The following KIAA1217 variants were observed in gnomAD, a reference collection of about 807,000 sequenced individuals.
The protein encoded by KIAA1217 is sickle tail protein homolog.
KIAA1217 carries 88 observed loss-of-function variants against 163.9 expected under a neutral mutation model. The ratio of observed to expected loss-of-function variants is 0.54; its 90% confidence interval spans 0.45 to 0.64. The LOEUF (loss-of-function observed/expected upper bound fraction) is 0.64, where lower values mean the gene tolerates loss of function less well. Among genes scored for constraint, KIAA1217 ranks in the 30% least tolerant of loss-of-function variants. KIAA1217 has a pLI of 0.00. For synonymous variants in KIAA1217, 903 were observed against 923.1 expected (o/e 0.98, Z 0.39); for missense variants, 2,372 against 2,475.0 (o/e 0.96, Z 0.88).
At chr10:24,495,352 A>T (rs909137252) in intron 8 of KIAA1217, among the ~76,000 whole-genome samples, 156 bp downstream of exon 8, 2 of 152,172 alleles carry the variant, frequency 1.3e-5, no homozygotes, top group Non-Finnish European at 1.5e-5. Context: ...TTCCAGATTT[A>T]TTCATTAATT....
intron 2 of KIAA1217, among the ~76,000 whole-genome samples, chr10:24,051,067 C>A (rs1476261155): frequency 6.6e-6 from 1 of 152,166 alleles, no homozygotes; most frequent in African/African-American, 2.4e-5. Context: ...TTTTATCCTT[C>A]ACCCAACTCA....
chr10:24,293,970 G>A (rs2079392540), intron 2 of KIAA1217, among the ~76,000 whole-genome samples: 2 of 152,128 alleles, frequency 1.3e-5, no homozygotes, highest in Admixed American at 1.3e-4. Context: ...AAGGCGGGCG[G>A]ATCACGAGGT....
intron 1 of KIAA1217, among the ~76,000 whole-genome samples, chr10:23,767,667 C>T (rs574522841): frequency 2.0e-5 from 3 of 152,070 alleles, no homozygotes; most frequent in Admixed American, 6.5e-5. Flanking sequence ...AGGAAGAGGC[C>T]GTGAACCCTC....
chr10:24,536,947 TCTGACA>T, intron 17 of KIAA1217, 54 bp downstream of exon 17: 2 of 1,603,906 alleles, frequency 1.2e-6, no homozygotes, highest in Non-Finnish European at 1.7e-6. Context: ...CCTTCCTTGC[TCTGACA>T]CTAACACGGC....
At position 23,832,232 on chromosome 10, in the gene KIAA1217, C is replaced by T. The variant is rs552506169; in HGVS notation, c.-321+136998C>T. On this transcript the variant is annotated intron_variant, in intron 1 of 18. Transcript: ENST00000376462. Reference sequence around the variant, plus strand: ...TGGGTTTGATTAATTTCTGGGATGTCTCACAGAACTCAGGGAAACACAATT... The same window carrying T: ...TGGGTTTGATTAATTTCTGGGATGTTTCACAGAACTCAGGGAAACACAATT... Among the ~76,000 whole-genome samples, 177 of 152,274 alleles carry T rather than the reference C, an allele frequency of 1.2e-3. 3 individuals are homozygous for T. The highest frequency in any genetic ancestry group is 2.5e-3 in the South Asian group (12 of 4,828).
intron 1 of KIAA1217, among the ~76,000 whole-genome samples, chr10:23,832,917 T>C (rs1223312969): frequency 1.1e-4 from 16 of 152,034 alleles, no homozygotes; most frequent in East Asian, 3.9e-4. Flanking sequence ...AACTCCCTTT[T>C]TGAAAAACGT....
intron 1 of KIAA1217, among the ~76,000 whole-genome samples, chr10:23,940,247 A>G (rs1037112846): frequency 1.3e-5 from 2 of 151,882 alleles, no homozygotes; most frequent in African/African-American, 4.8e-5. Context: ...ATCACCTGAC[A>G]TCAGGAGTTC....
chr10:24,238,511 G>A (rs1386026451), intron 2 of KIAA1217, among the ~76,000 whole-genome samples: 3 of 152,008 alleles, frequency 2.0e-5, no homozygotes, highest in Non-Finnish European at 4.4e-5. Context: ...CATAAACTAG[G>A]ATAGACATGC....
intron 7 of KIAA1217, 88 bp downstream of exon 7, chr10:24,494,692 C>A: frequency 2.1e-6 from 2 of 957,050 alleles, no homozygotes; most frequent in South Asian, 1.5e-5. Context: ...AATCTGTTTT[C>A]TTGTAATCAT....
At chr10:23,758,646 C>CTCTCTCTCTCT (rs1386376033) in intron 1 of KIAA1217, among the ~76,000 whole-genome samples, 1 of 132,186 alleles carries the variant, frequency 7.6e-6, no homozygotes, top group African/African-American at 3.0e-5. Context: ...CTCTCTCTCT[C>CTCTCTCTCTCT]CCCCTCCCTC....
intron 1 of KIAA1217, among the ~76,000 whole-genome samples, chr10:23,933,467 A>C (rs1479596586): frequency 6.6e-6 from 1 of 152,160 alleles, no homozygotes; most frequent in African/African-American, 2.4e-5. Context: ...CTTACTTTTA[A>C]TGATCACTAA....
chr10:24,380,871 A>G lies in KIAA1217; in HGVS notation c.357A>G (p.Thr119=). ...MGHQERLRDQ[T]RSPKLSHSPQ... ...TTTCTTTAAAATGCCTTTTGCAGACAAGGAGCCCCAAACTGTCTCACAGTC... is the reference window on the plus strand; with the variant it reads ...TTTCTTTAAAATGCCTTTTGCAGACGAGGAGCCCCAAACTGTCTCACAGTC... The change falls in exon 3 of 21, where the codon ACA becomes ACG. Residue 119 remains threonine (T), a splice_region_variant and synonymous_variant. Coordinates refer to ENST00000376454, the MANE Select transcript of KIAA1217 (RefSeq NM_019590.5). The G allele has an allele frequency of 1.3e-6, 2 of 1,509,744 alleles. No individual in the cohort carries two copies. Among genetic ancestry groups the G allele is most frequent in the Non-Finnish European group, 1.8e-6 (2 of 1,126,632 alleles). The allele number at this position is 1,509,744 out of a possible 1,614,324, so 93.5% of individuals were successfully genotyped here.
At chr10:24,414,333 T>A (rs1477311521) in intron 3 of KIAA1217, among the ~76,000 whole-genome samples, 1 of 152,200 alleles carries the variant, frequency 6.6e-6, no homozygotes, top group East Asian at 1.9e-4. Context: ...CTATAGAAGG[T>A]AAAGCTGACA....
intron 1 of KIAA1217, among the ~76,000 whole-genome samples, chr10:23,898,309 A>C (rs573174504): frequency 2.2e-5 from 2 of 89,544 alleles, no homozygotes; most frequent in Admixed American, 1.1e-4. Context: ...ATATATACAC[A>C]CACACACACA....
intron 17 of KIAA1217, 43 bp from the exon 18 acceptor site, chr10:24,542,650 G>C (rs1245218503): frequency 1.3e-6 from 2 of 1,598,012 alleles, no homozygotes; most frequent in Non-Finnish European, 1.7e-6. Flanking sequence ...TTTTTGGGGG[G>C]ATGTGGTTTT....
chr10:23,897,784 T>C (rs181813611), intron 1 of KIAA1217, among the ~76,000 whole-genome samples: 33 of 152,172 alleles, frequency 2.2e-4, no homozygotes, highest in Admixed American at 3.9e-4. Flanking sequence ...AAAAAAGGAT[T>C]AAATATAAAA....
chr10:24,210,221 A>G (rs1402559395), intron 1 of KIAA1217, among the ~76,000 whole-genome samples: 1 of 152,166 alleles, frequency 6.6e-6, no homozygotes, highest in African/African-American at 2.4e-5. Flanking sequence ...GAAGTAACAC[A>G]TGACTCATCC....
intron 3 of KIAA1217, among the ~76,000 whole-genome samples, chr10:24,410,842 A>C (rs1030415789): frequency 1.2e-4 from 18 of 152,212 alleles, no homozygotes; most frequent in African/African-American, 4.1e-4. Context: ...TGTTCTCTCC[A>C]TTCTTTATGG....
chr10:23,985,868 G>C (rs925795692), intron 1 of KIAA1217, among the ~76,000 whole-genome samples: 101 of 152,138 alleles, frequency 6.6e-4, no homozygotes, highest in African/African-American at 2.3e-3. Flanking sequence ...TCTGTAGGCT[G>C]CCCCTCTTGT....
Sources: gnomAD v4.1 joint callset for allele counts (sites outside exome capture counted in the v4.1 genomes callset) on GRCh38, gnomAD v4.1.1 for gene constraint, MANE v1.5 for transcripts, NCBI Gene and HGNC (gene_info 2026-07-23, HGNC 2026-07-21) for gene names.